NEMP2: variants seen among roughly 807,000 people sequenced by gnomAD.
NEMP2 encodes the protein nuclear envelope integral membrane protein 2.
NEMP2 carries 53 observed loss-of-function variants against 54.2 expected under a neutral mutation model. That is an observed-to-expected ratio of 0.98 (90% CI 0.78 to 1.23). The LOEUF (loss-of-function observed/expected upper bound fraction) is 1.23. Among genes scored for constraint, NEMP2 ranks in the 50% most tolerant of loss-of-function variants. The pLI, the probability that NEMP2 is intolerant of heterozygous loss-of-function variation, is 0.00. For synonymous variants in NEMP2, 197 were observed against 190.3 expected (o/e 1.04, Z -0.29); for missense variants, 455 against 511.3 (o/e 0.89, Z 1.06).
chr2:190,594,108 T>C, the NEMP2 span, among the ~76,000 whole-genome samples: 1 of 152,216 alleles, frequency 6.6e-6, no homozygotes, highest in Non-Finnish European at 1.5e-5. The surrounding 1 kb of genome is among the most constrained non-coding windows in gnomAD (Gnocchi z 5.6). Flanking sequence ...CTTTCGTTTG[T>C]TTGTCATTGC....
the NEMP2 span, among the ~76,000 whole-genome samples, chr2:190,473,288 T>A: frequency 6.6e-6 from 1 of 152,146 alleles, no homozygotes; most frequent in Non-Finnish European, 1.5e-5. Flanking sequence ...AGACACAGAC[T>A]GGCAAATTGG....
the NEMP2 span, among the ~76,000 whole-genome samples, chr2:190,445,496 C>T: frequency 2.8e-5 from 3 of 106,312 alleles, no homozygotes; most frequent in East Asian, 2.8e-4. Context: ...TTAAAGAACA[C>T]GAATTTTTTT....
At chr2:190,635,937 G>C in the NEMP2 span, among the ~76,000 whole-genome samples, 1 of 152,190 alleles carries the variant, frequency 6.6e-6, no homozygotes, top group African/African-American at 2.4e-5. The surrounding 1 kb of genome is among the most constrained non-coding windows in gnomAD (Gnocchi z 4.1). Context: ...CATGATTATA[G>C]CTCACGGCAG....
At chr2:190,477,986 A>G in the NEMP2 span, among the ~76,000 whole-genome samples, 1 of 152,138 alleles carries the variant, frequency 6.6e-6, no homozygotes, top group Admixed American at 6.5e-5. Flanking sequence ...AGAGAACAGA[A>G]TGGCCTCTTC....
At chr2:190,636,284 A>G in the NEMP2 span, among the ~76,000 whole-genome samples, 1 of 152,360 alleles carries the variant, frequency 6.6e-6, no homozygotes, top group Admixed American at 6.5e-5. Flanking sequence ...TGAGGAAAAA[A>G]AATCTGTGCA....
In NEMP2 at chr2:190,519,357, G is replaced by T. The variant is rs1263833428; in HGVS notation, c.214-174C>A. Among the ~76,000 whole-genome samples, 5 of 152,150 alleles carry T rather than the reference G, an allele frequency of 3.3e-5. No homozygotes were observed. Among genetic ancestry groups the T allele is most frequent in the Non-Finnish European group, 5.9e-5 (4 of 68,028 alleles). The stretch of plus-strand genomic sequence containing the variant: ...CCACTTCAGCCTCCCAAGTAGCTGG[G>T]ACCACAGGCACATGCCACCTGCCCA... On this transcript the variant is annotated intron_variant, in intron 2 of 8. Transcript: ENST00000409150. This position sits in a 1 kb window ranked among gnomAD's most constrained non-coding sequence, Gnocchi z 5.4.
At chr2:190,571,458 G>A in the NEMP2 span, among the ~76,000 whole-genome samples, 1 of 151,996 alleles carries the variant, frequency 6.6e-6, no homozygotes, top group Non-Finnish European at 1.5e-5. Flanking sequence ...CAGGAGAATC[G>A]CTCGAACTCA....
At chr2:190,432,838 ACACT>A in the NEMP2 span, among the ~76,000 whole-genome samples, 1 of 128,180 alleles carries the variant, frequency 7.8e-6, no homozygotes. Flanking sequence ...CAACACACAC[ACACT>A]CTCTCTCTCT....
In NEMP2 at chr2:190,527,801, C is replaced by T. The variant is rs753440965; in HGVS notation, c.98-2423G>A. The stretch of plus-strand genomic sequence containing the variant: ...CAGTGGCATTAGATTATCATAGGAG[C>T]GTGAACCTTACTGTGAACTGAGCAA... On this transcript the variant is annotated intron_variant, in intron 1 of 8. Coordinates refer to ENST00000409150, the MANE Select transcript of NEMP2 (RefSeq NM_001142645.2). The surrounding 1 kb of genome is among the most constrained non-coding windows in gnomAD (Gnocchi z 4.0). Among the ~76,000 whole-genome samples the T allele has an allele frequency of 1.1e-4, 17 of 152,034 alleles. No homozygotes were observed. The highest frequency in any genetic ancestry group is 5.9e-4 in the Admixed American group (9 of 15,258).
chr2:190,636,979 C>A, the NEMP2 span, among the ~76,000 whole-genome samples: 1 of 152,162 alleles, frequency 6.6e-6, no homozygotes, highest in Non-Finnish European at 1.5e-5. Flanking sequence ...GCAGTGTTCT[C>A]CAAGTGTGGT....
the NEMP2 span, among the ~76,000 whole-genome samples, chr2:190,494,939 C>A: frequency 6.6e-6 from 1 of 152,094 alleles, no homozygotes; most frequent in Non-Finnish European, 1.5e-5. This position sits in a 1 kb window ranked among gnomAD's most constrained non-coding sequence, Gnocchi z 5.7. Context: ...AAAATTGGAA[C>A]AAGACAAGGA....
the NEMP2 span, among the ~76,000 whole-genome samples, chr2:190,471,840 C>T: frequency 1.3e-5 from 2 of 152,220 alleles, no homozygotes; most frequent in African/African-American, 2.4e-5. The surrounding 1 kb of genome is among the most constrained non-coding windows in gnomAD (Gnocchi z 4.7). Flanking sequence ...AGGCACCCCC[C>T]AGTAGGGGCA....
At chr2:190,494,180 A>G in the NEMP2 span, among the ~76,000 whole-genome samples, 1 of 152,310 alleles carries the variant, frequency 6.6e-6, no homozygotes, top group East Asian at 1.9e-4. This position sits in a 1 kb window ranked among gnomAD's most constrained non-coding sequence, Gnocchi z 5.7. Flanking sequence ...AAATATTACA[A>G]CTGACACCAC....
At chr2:190,471,654 T>G in the NEMP2 span, among the ~76,000 whole-genome samples, 1 of 152,120 alleles carries the variant, frequency 6.6e-6, no homozygotes, top group African/African-American at 2.4e-5. The surrounding 1 kb of genome is among the most constrained non-coding windows in gnomAD (Gnocchi z 4.7). Context: ...CTCAGTAAAC[T>G]CCACCTCTGG....
At chr2:190,463,896 G>A in the NEMP2 span, 4 of 984,512 alleles carry the variant, frequency 4.1e-6, no homozygotes, top group African/African-American at 7.0e-5. This position sits in a 1 kb window ranked among gnomAD's most constrained non-coding sequence, Gnocchi z 4.4. Context: ...ACCATATACT[G>A]TCTACCATAC....
chr2:190,517,997 C>CA (rs1280393071), intron 4 of NEMP2, among the ~76,000 whole-genome samples: 2 of 152,302 alleles, frequency 1.3e-5, no homozygotes, highest in African/African-American at 2.4e-5. Context: ...CCCAGCTCGT[C>CA]AGAGTCCAGG....
the NEMP2 span, among the ~76,000 whole-genome samples, chr2:190,622,599 G>A: frequency 6.6e-6 from 1 of 152,098 alleles, no homozygotes; most frequent in Non-Finnish European, 1.5e-5. Flanking sequence ...TTTGTGACTT[G>A]GGATTGGGCA....
chr2:190,501,302 T>C (rs1481233075), downstream of NEMP2: 2 of 152,226 alleles, frequency 1.3e-5, no homozygotes, highest in Non-Finnish European at 2.9e-5. Flanking sequence ...GTAGCAACTA[T>C]ACTTTCCAAT....
At chr2:190,552,466 C>G in the NEMP2 span, among the ~76,000 whole-genome samples, 1 of 152,144 alleles carries the variant, frequency 6.6e-6, no homozygotes, top group East Asian at 1.9e-4. Flanking sequence ...GTCAAGGTGG[C>G]TCCTGCTGTA....
Sources: gnomAD v4.1 joint callset for allele counts (sites outside exome capture counted in the v4.1 genomes callset) on GRCh38, gnomAD v4.1.1 for gene constraint, Gnocchi (gnomAD v3.1) non-coding constraint, MANE v1.5 for transcripts, NCBI Gene and HGNC (gene_info 2026-07-23, HGNC 2026-07-21) for gene names.